The following ADGRL3 variants were observed in gnomAD, a reference collection of about 807,000 sequenced individuals.
The protein encoded by ADGRL3 is calcium-independent alpha-latrotoxin receptor 3.
A neutral mutation model predicts 153.5 loss-of-function variants in ADGRL3; 62 were observed. The ratio of observed to expected loss-of-function variants is 0.40; its 90% CI spans 0.33 to 0.50. ADGRL3 has a LOEUF of 0.50. ADGRL3 is among the 20% of genes least tolerant of loss of function. The pLI, the probability that ADGRL3 is intolerant of heterozygous loss-of-function variation, is 0.47. For synonymous variants in ADGRL3, 710 were observed against 672.5 expected (o/e 1.06, Z -0.86); for missense variants, 1,641 against 1,859.4 (o/e 0.88, Z 2.16).
intron 5 of ADGRL3, among the ~76,000 whole-genome samples, chr4:61,610,791 G>A (rs897345031): frequency 6.0e-5 from 2 of 33,394 alleles, no homozygotes; most frequent in African/African-American, 1.8e-4. Flanking sequence ...CATTGGAAAA[G>A]GAAATCTTTT....
chr4:61,700,058 T>C (rs1333919116), intron 6 of ADGRL3, among the ~76,000 whole-genome samples: 1 of 151,874 alleles, frequency 6.6e-6, no homozygotes. Flanking sequence ...AAACCATTAC[T>C]TGAGGAAAGA....
At chr4:61,445,877 T>C (rs954915716) in intron 2 of ADGRL3, among the ~76,000 whole-genome samples, 1 of 152,250 alleles carries the variant, frequency 6.6e-6, no homozygotes, top group Admixed American at 6.5e-5. Flanking sequence ...GTCATAGCCA[T>C]TGTGATACCC....
intron 8 of ADGRL3, among the ~76,000 whole-genome samples, chr4:61,739,419 G>A (rs1308611090): frequency 6.6e-6 from 1 of 151,658 alleles, no homozygotes; most frequent in African/African-American, 2.4e-5. Flanking sequence ...AACGATTCTC[G>A]AGCCTCAGCC....
At chr4:61,232,567 C>G (rs1751153467) in intron 1 of ADGRL3, among the ~76,000 whole-genome samples, 1 of 152,074 alleles carries the variant, frequency 6.6e-6, no homozygotes, top group Non-Finnish European at 1.5e-5. Context: ...CCTTGGCCTC[C>G]CAAAGTGCTG....
intron 1 of ADGRL3, among the ~76,000 whole-genome samples, chr4:61,208,636 G>T (rs535047967): frequency 6.6e-6 from 1 of 152,076 alleles, no homozygotes; most frequent in Non-Finnish European, 1.5e-5. Flanking sequence ...CTCATGAAGG[G>T]TTATTAGCAT....
chr4:62,064,477 G>C (rs1474248328), intron 25 of ADGRL3, among the ~76,000 whole-genome samples: 1 of 151,856 alleles, frequency 6.6e-6, no homozygotes, highest in Non-Finnish European at 1.5e-5. Context: ...AACCACAAGA[G>C]AAAATTATTC....
intron 1 of ADGRL3, among the ~76,000 whole-genome samples, chr4:61,314,260 A>G (rs1326013259): frequency 6.7e-6 from 1 of 149,750 alleles, no homozygotes; most frequent in East Asian, 2.0e-4. Flanking sequence ...CCCAGGCTAG[A>G]GTGCAATGGT....
intron 2 of ADGRL3, among the ~76,000 whole-genome samples, chr4:61,404,540 G>A (rs1277927391): frequency 6.6e-6 from 1 of 152,026 alleles, no homozygotes; most frequent in Non-Finnish European, 1.5e-5. Flanking sequence ...ATGTCATTGA[G>A]CATTTCTTTA....
chr4:61,627,209 T>C (rs1025618009), intron 5 of ADGRL3, among the ~76,000 whole-genome samples: 7 of 152,164 alleles, frequency 4.6e-5, no homozygotes, highest in African/African-American at 1.2e-4. Flanking sequence ...TAATTTTCCC[T>C]TATTTAAAAT....
chr4:61,741,016 G>T (rs1425111777), intron 8 of ADGRL3, among the ~76,000 whole-genome samples: 1 of 152,202 alleles, frequency 6.6e-6, no homozygotes, highest in African/African-American at 2.4e-5. Context: ...AAAAGCTGTG[G>T]CTGTGTAGTG....
At chr4:61,638,286 A>G (rs140565388) in intron 5 of ADGRL3, among the ~76,000 whole-genome samples, 47 of 152,302 alleles carry the variant, frequency 3.1e-4, no homozygotes, top group African/African-American at 1.0e-3. Flanking sequence ...GAAGCCAGGA[A>G]CCCTGAATTT....
At chr4:61,552,115 T>G (rs945152837) in intron 4 of ADGRL3, among the ~76,000 whole-genome samples, 1 of 152,146 alleles carries the variant, frequency 6.6e-6, no homozygotes, top group Non-Finnish European at 1.5e-5. Context: ...AATTTGTGAG[T>G]GCCTAGGTAA....
At chr4:61,662,779 T>G (rs2150604653) in intron 5 of ADGRL3, among the ~76,000 whole-genome samples, 1 of 152,310 alleles carries the variant, frequency 6.6e-6, no homozygotes, top group South Asian at 2.1e-4. Flanking sequence ...TGGCCATGCA[T>G]GGACCAATCC....
rs567411479 is a variant in ADGRL3, at chr4:61,785,536, G to T, written c.1400-28273G>T. 4.6e-5 allele frequency among the ~76,000 whole-genome samples: 7 copies of T among 152,270 alleles called. No homozygotes were observed. The South Asian group carries it at 1.0e-3, about 23-fold the overall frequency. On this transcript the variant is annotated intron_variant, in intron 8 of 26. Transcript: ENST00000683033. ...TGAGTAAATCCAATGTTAAGGCATG[G>T]TTGCCTGTTGACTGATAATATAGCT...
At chr4:61,542,205 T>C (rs1341437460) in intron 4 of ADGRL3, among the ~76,000 whole-genome samples, 1 of 152,204 alleles carries the variant, frequency 6.6e-6, no homozygotes, top group Non-Finnish European at 1.5e-5. Context: ...GAGGAAATTG[T>C]GGCCTAGAGG....
At chr4:62,015,320 T>A (rs2099206523) in intron 21 of ADGRL3, among the ~76,000 whole-genome samples, 1 of 152,206 alleles carries the variant, frequency 6.6e-6, no homozygotes, top group Non-Finnish European at 1.5e-5. Flanking sequence ...AAGTCGATAT[T>A]TTAAACCAGA....
intron 2 of ADGRL3, among the ~76,000 whole-genome samples, chr4:61,392,029 T>A (rs1363240901): frequency 6.8e-6 from 1 of 146,762 alleles, no homozygotes; most frequent in Non-Finnish European, 1.5e-5. Context: ...CCGGCTAATT[T>A]TTTTTTTTTT....
At chr4:61,606,459 C>T (rs1227692586) in intron 5 of ADGRL3, among the ~76,000 whole-genome samples, 1 of 152,128 alleles carries the variant, frequency 6.6e-6, no homozygotes, top group Non-Finnish European at 1.5e-5. Context: ...ATTGTCAAGG[C>T]CTTTCCTTGG....
At chr4:61,483,743 T>C (rs865942144) in intron 2 of ADGRL3, among the ~76,000 whole-genome samples, 2 of 150,792 alleles carry the variant, frequency 1.3e-5, no homozygotes, top group African/African-American at 4.9e-5. Context: ...GTCAAAAAAA[T>C]AAATAAATAA....
Sources: allele counts gnomAD v4.1 joint callset (sites outside exome capture counted in the v4.1 genomes callset), GRCh38; gene constraint gnomAD v4.1.1; transcripts MANE v1.5; gene names NCBI Gene and HGNC (gene_info 2026-07-23, HGNC 2026-07-21).